Variants in ZNF521 observed in about 807,000 individuals in gnomAD.
The protein encoded by ZNF521 is zinc finger protein 521.
A neutral mutation model predicts 105.5 loss-of-function variants in ZNF521; 14 were observed. The ratio of observed to expected loss-of-function variants is 0.13; its 90% CI spans 0.09 to 0.21. The LOEUF (loss-of-function observed/expected upper bound fraction) is 0.21. ZNF521 is among the 10% of genes least tolerant of loss of function. The pLI is 1.00. For missense variants in ZNF521, 1,233 were observed against 1,629.7 expected (o/e 0.76, Z 4.19); for synonymous variants, 635 against 606.0 (o/e 1.05, Z -0.70).
At position 25,281,198 on chromosome 18, in the gene ZNF521, A is replaced by G. The variant is rs182455758; in HGVS notation, c.220+40810T>C. 6.6e-5 allele frequency among the ~76,000 whole-genome samples: 10 copies of G among 152,334 alleles called. No individual in the cohort carries two copies. The East Asian group carries it at 1.9e-3, about 29-fold the overall frequency. On this transcript the variant is annotated intron_variant, in intron 3 of 7. Transcript: ENST00000361524. ...GTATTTGATCTGCAGAAACTTTTTCATAGAAAACCAGGACTAGAAAATAAT... is the reference window on the plus strand; with the variant it reads ...GTATTTGATCTGCAGAAACTTTTTCGTAGAAAACCAGGACTAGAAAATAAT...
chr18:25,139,108 C>G (rs980784416), intron 5 of ZNF521, among the ~76,000 whole-genome samples: 12 of 151,992 alleles, frequency 7.9e-5, no homozygotes, highest in Non-Finnish European at 1.6e-4. Flanking sequence ...CGGTGGCTCA[C>G]GCCTGTAATC....
chr18:25,238,371 TA>T (rs1410663561), intron 3 of ZNF521, among the ~76,000 whole-genome samples: 1 of 152,234 alleles, frequency 6.6e-6, no homozygotes, highest in Non-Finnish European at 1.5e-5. Context: ...AACTCTCTGT[TA>T]ACAAGTCATG....
At chr18:25,195,089 A>C in intron 5 of ZNF521, 71 bp downstream of exon 5, 2 of 1,156,736 alleles carry the variant, frequency 1.7e-6, no homozygotes, top group Non-Finnish European at 2.5e-6. Context: ...TTCATCTTTA[A>C]CTCTGTTTAA....
chr18:25,125,642 T>C (rs1567973089), intron 5 of ZNF521, among the ~76,000 whole-genome samples: 1 of 151,934 alleles, frequency 6.6e-6, no homozygotes. Flanking sequence ...TGTGTGTGTG[T>C]GCGTGTGTGT....
At chr18:25,344,557 C>G (rs1914379278) in intron 2 of ZNF521, among the ~76,000 whole-genome samples, 1 of 152,122 alleles carries the variant, frequency 6.6e-6, no homozygotes, top group Non-Finnish European at 1.5e-5. Flanking sequence ...CTCCCCCACC[C>G]CTAGAACTAA....
At chr18:25,230,425 T>C (rs1489276167) in intron 3 of ZNF521, among the ~76,000 whole-genome samples, 2 of 152,178 alleles carry the variant, frequency 1.3e-5, no homozygotes, top group African/African-American at 4.8e-5. Flanking sequence ...ATCAGACTCC[T>C]CCAAGACTTT....
At chr18:25,272,678 T>C (rs113433875) in intron 3 of ZNF521, among the ~76,000 whole-genome samples, 2 of 151,602 alleles carry the variant, frequency 1.3e-5, no homozygotes, top group African/African-American at 4.9e-5. Flanking sequence ...AACCAAACAC[T>C]GCATGTTATC....
chr18:25,176,545 T>C (rs1343881981), intron 5 of ZNF521, among the ~76,000 whole-genome samples: 1 of 152,230 alleles, frequency 6.6e-6, no homozygotes, highest in Non-Finnish European at 1.5e-5. Flanking sequence ...GTGCCTCCTC[T>C]GCTTACACCA....
chr18:25,180,031 G>A (rs1433451847), intron 5 of ZNF521, among the ~76,000 whole-genome samples: 1 of 152,176 alleles, frequency 6.6e-6, no homozygotes, highest in Non-Finnish European at 1.5e-5. Flanking sequence ...AACATAGTAT[G>A]TGCTAGTTCA....
At chr18:25,342,415 T>TTTTTTTTG (rs1555667614) in intron 2 of ZNF521, among the ~76,000 whole-genome samples, 3 of 81,726 alleles carry the variant, frequency 3.7e-5, no homozygotes, top group African/African-American at 1.4e-4. Flanking sequence ...TTTGTTTTTT[T>TTTTTTTTG]TTTGTTTGTT....
intron 5 of ZNF521, among the ~76,000 whole-genome samples, chr18:25,172,230 G>A (rs184635260): frequency 3.3e-5 from 5 of 152,024 alleles, no homozygotes; most frequent in African/African-American, 7.2e-5. Flanking sequence ...CATTTCTCAC[G>A]CCTCCTAGGA....
intron 3 of ZNF521, among the ~76,000 whole-genome samples, chr18:25,304,904 A>G (rs1330751888): frequency 6.6e-6 from 1 of 152,224 alleles, no homozygotes; most frequent in Non-Finnish European, 1.5e-5. Context: ...TTAAGTGCAC[A>G]GTAAGATTGT....
chr18:25,305,204 C>T (rs1181066352), intron 3 of ZNF521, among the ~76,000 whole-genome samples: 2 of 152,126 alleles, frequency 1.3e-5, no homozygotes, highest in African/African-American at 4.8e-5. Context: ...ATAGCTAGAC[C>T]AATTCCATGA....
intron 3 of ZNF521, among the ~76,000 whole-genome samples, chr18:25,293,442 G>C (rs1185666024): frequency 2.6e-5 from 4 of 151,734 alleles, no homozygotes; most frequent in African/African-American, 9.7e-5. Flanking sequence ...ATTTACACTA[G>C]AGAATCAATC....
At position 25,077,783 on chromosome 18, in the gene ZNF521, G is replaced by C. The variant is rs1244881897; in HGVS notation, c.3906+11682C>G. ...TTTCTGCAACTGTGGTTAAGCAGAG[G>C]GCCTCTGTGTGAATATTTAAGAAAA... On this transcript the variant is annotated intron_variant, in intron 7 of 7. Coordinates refer to ENST00000361524, the MANE Select transcript of ZNF521 (RefSeq NM_015461.3). Among the ~76,000 whole-genome samples, 3 of 151,982 alleles carry C rather than the reference G, an allele frequency of 2.0e-5. No homozygotes were observed. The East Asian group carries it at 5.8e-4, about 29-fold the overall frequency.
chr18:25,128,238 CA>C (rs951294730), intron 5 of ZNF521, among the ~76,000 whole-genome samples: 21 of 151,510 alleles, frequency 1.4e-4, no homozygotes, highest in African/African-American at 4.8e-4. Flanking sequence ...TCAACAGATA[CA>C]AAAAAAGAAT....
At chr18:25,088,301 C>T (rs988254367) in intron 7 of ZNF521, among the ~76,000 whole-genome samples, 19 of 150,410 alleles carry the variant, frequency 1.3e-4, no homozygotes, top group Admixed American at 1.3e-3. Context: ...CCGCAAGCTC[C>T]GCCTCCCGGG....
At chr18:25,339,053 G>A (rs1439432508) in intron 2 of ZNF521, among the ~76,000 whole-genome samples, 1 of 152,166 alleles carries the variant, frequency 6.6e-6, no homozygotes, top group African/African-American at 2.4e-5. Context: ...GGGAAAACCA[G>A]GCCCACAATT....
intron 4 of ZNF521, chr18:25,201,321 G>C (rs2035989238): frequency 6.6e-6 from 1 of 152,084 alleles, no homozygotes; most frequent in Non-Finnish European, 1.5e-5. Flanking sequence ...CTTTTTCCCA[G>C]TCTCTTGCTG....
Sources: allele counts gnomAD v4.1 joint callset (sites outside exome capture counted in the v4.1 genomes callset), GRCh38; gene constraint gnomAD v4.1.1; transcripts MANE v1.5; gene names NCBI Gene and HGNC (gene_info 2026-07-23, HGNC 2026-07-21).